Variants in FRMD3 observed in about 807,000 individuals in gnomAD.
The protein encoded by FRMD3 is FERM domain containing 3.
Under a neutral mutation model 70.2 loss-of-function variants are expected in FRMD3, and 33 were observed. The ratio of observed to expected loss-of-function variants is 0.47; its 90% CI spans 0.36 to 0.63. The LOEUF (loss-of-function observed/expected upper bound fraction) is 0.63. Ranked by LOEUF, FRMD3 falls within the 20% of genes least tolerant of loss-of-function variation. The pLI is 0.00. For missense variants in FRMD3, 632 were observed against 711.4 expected, an observed-to-expected ratio of 0.89 and a Z score of 1.27; for synonymous variants, 279 against 255.9, an observed-to-expected ratio of 1.09 and a Z score of -0.86.
intron 1 of FRMD3, among the ~76,000 whole-genome samples, chr9:83,474,595 A>T (rs946375193): frequency 7.2e-5 from 11 of 152,146 alleles, no homozygotes; most frequent in African/African-American, 2.7e-4. Flanking sequence ...AGCCTAAAAA[A>T]CAGAGAATAC....
intron 6 of FRMD3, among the ~76,000 whole-genome samples, chr9:83,323,201 C>A (rs548322353): frequency 3.9e-5 from 6 of 152,272 alleles, no homozygotes; most frequent in Admixed American, 1.3e-4. Context: ...GAAATTAGTG[C>A]ATGTTGCACC....
the FRMD3 span, among the ~76,000 whole-genome samples, chr9:83,548,828 G>T: frequency 3.9e-5 from 6 of 152,028 alleles, no homozygotes; most frequent in Non-Finnish European, 7.4e-5. Flanking sequence ...AAACGGGTAG[G>T]CTATCTGGAA....
At chr9:83,339,738 G>C (rs1406292359) in intron 5 of FRMD3, among the ~76,000 whole-genome samples, 1 of 152,128 alleles carries the variant, frequency 6.6e-6, no homozygotes, top group Non-Finnish European at 1.5e-5. Context: ...ACAATGGCCT[G>C]TTTCCTTATC....
chr9:83,547,502 T>C, the FRMD3 span, among the ~76,000 whole-genome samples: 1 of 152,032 alleles, frequency 6.6e-6, no homozygotes, highest in Admixed American at 6.5e-5. Context: ...TCTAAATATA[T>C]ATGCCCCCAA....
intron 1 of FRMD3, among the ~76,000 whole-genome samples, chr9:83,522,954 T>C (rs1050981601): frequency 1.3e-5 from 2 of 151,506 alleles, no homozygotes; most frequent in Non-Finnish European, 3.0e-5. Flanking sequence ...CTGGCTCTAC[T>C]ATTGGCCCCT....
At chr9:83,553,555 A>C in the FRMD3 span, among the ~76,000 whole-genome samples, 1 of 152,086 alleles carries the variant, frequency 6.6e-6, no homozygotes, top group Admixed American at 6.5e-5. Flanking sequence ...GGTTTTGTTC[A>C]TTCATCTCTT....
At chr9:83,522,329 T>TGCCCGCCTCAAGCTCC (rs1446929275) in intron 1 of FRMD3, among the ~76,000 whole-genome samples, 3 of 151,966 alleles carry the variant, frequency 2.0e-5, no homozygotes, top group African/African-American at 7.2e-5. Flanking sequence ...CCTTAAGCTT[T>TGCCCGCCTCAAGCTCC]GCCCGCCTCA....
At chr9:83,403,335 G>C (rs532422655) in intron 1 of FRMD3, among the ~76,000 whole-genome samples, 1 of 152,162 alleles carries the variant, frequency 6.6e-6, no homozygotes, top group African/African-American at 2.4e-5. Context: ...TTTCCTCTCT[G>C]GGAGAGAGAA....
intron 1 of FRMD3, among the ~76,000 whole-genome samples, chr9:83,515,978 A>G (rs543308571): frequency 6.6e-6 from 1 of 152,322 alleles, no homozygotes; most frequent in African/African-American, 2.4e-5. Context: ...AGCACTAACT[A>G]TGGGAAGGAA....
chr9:83,561,938 C>T, the FRMD3 span, among the ~76,000 whole-genome samples: 2 of 152,220 alleles, frequency 1.3e-5, no homozygotes, highest in Non-Finnish European at 1.5e-5. Context: ...TGTGTCCATA[C>T]CTCCTCCAGT....
At chr9:83,350,878 G>A in intron 3 of FRMD3, 2 of 479,426 alleles carry the variant, frequency 4.2e-6, no homozygotes, top group Non-Finnish European at 5.4e-6. Context: ...ATATTACACT[G>A]ATAAATGCAT....
chr9:83,441,592 C>T (rs1827296946), intron 1 of FRMD3, among the ~76,000 whole-genome samples: 1 of 152,134 alleles, frequency 6.6e-6, no homozygotes, highest in Non-Finnish European at 1.5e-5. Context: ...GAAAATTACT[C>T]TTAAGTATTT....
intron 1 of FRMD3, among the ~76,000 whole-genome samples, chr9:83,494,376 G>T (rs979176485): frequency 9.9e-5 from 15 of 152,150 alleles, no homozygotes; most frequent in Non-Finnish European, 1.5e-4. Flanking sequence ...ACATTAGAAT[G>T]AAAATGTGCA....
At chr9:83,304,831 A>G (rs1835061787) in intron 10 of FRMD3, among the ~76,000 whole-genome samples, 1 of 152,234 alleles carries the variant, frequency 6.6e-6, no homozygotes, top group Admixed American at 6.5e-5. Context: ...CACACATGGT[A>G]TAAAGGAAGC....
At chr9:83,270,094 C>G (rs1260228563) in intron 13 of FRMD3, among the ~76,000 whole-genome samples, 2 of 152,224 alleles carry the variant, frequency 1.3e-5, no homozygotes, top group Non-Finnish European at 2.9e-5. Context: ...TGTTCTGGTT[C>G]AGGCCACTGT....
chr9:83,298,722 G>C (rs1344257004), intron 12 of FRMD3, 26 bp downstream of exon 12: 3 of 1,604,550 alleles, frequency 1.9e-6, no homozygotes, highest in Non-Finnish European at 2.6e-6. Context: ...AAAGCCACCT[G>C]GAACCCACAG....
intron 3 of FRMD3, among the ~76,000 whole-genome samples, chr9:83,356,152 G>C (rs995808856): frequency 2.0e-5 from 3 of 152,190 alleles, no homozygotes; most frequent in Non-Finnish European, 2.9e-5. Context: ...CGATTAAATT[G>C]AGCAAGATCC....
At chr9:83,351,214 A>G (rs1349880370) in intron 3 of FRMD3, among the ~76,000 whole-genome samples, 4 of 152,314 alleles carry the variant, frequency 2.6e-5, no homozygotes, top group East Asian at 1.9e-4. Context: ...ATGTATAATA[A>G]GAATAATTTA....
chr9:83,410,349 G>A (rs755452876), intron 1 of FRMD3, among the ~76,000 whole-genome samples: 62 of 152,042 alleles, frequency 4.1e-4, no homozygotes, highest in Admixed American at 4.1e-3. Flanking sequence ...CCATCATTCT[G>A]TCCATAAGTA....
Sources: gnomAD v4.1 joint callset for allele counts (sites outside exome capture counted in the v4.1 genomes callset) on GRCh38, gnomAD v4.1.1 for gene constraint, MANE v1.5 for transcripts, NCBI Gene and HGNC (gene_info 2026-07-23, HGNC 2026-07-21) for gene names.